PDE1C: variants seen among roughly 807,000 people sequenced by gnomAD.
PDE1C encodes dual specificity calcium/calmodulin-dependent 3',5'-cyclic nucleotide phosphodiesterase 1C.
PDE1C carries 62 observed loss-of-function variants against 93.1 expected under a neutral mutation model. That is an observed-to-expected ratio of 0.67 (90% confidence interval 0.54 to 0.82). PDE1C has a LOEUF of 0.82. Among genes scored for constraint, PDE1C ranks in the 40% least tolerant of loss-of-function variants. The pLI is 0.00. For synonymous variants in PDE1C, 325 were observed against 310.1 expected (o/e 1.05, Z -0.50); for missense variants, 742 against 884.6 (o/e 0.84, Z 2.04).
chr7:31,633,332 C>G, the PDE1C span, among the ~76,000 whole-genome samples: 1 of 152,248 alleles, frequency 6.6e-6, no homozygotes, highest in African/African-American at 2.4e-5. Context: ...GTGGCCAATA[C>G]AAAGACGAAT....
the PDE1C span, among the ~76,000 whole-genome samples, chr7:31,633,585 C>T: frequency 6.6e-6 from 1 of 152,206 alleles, no homozygotes; most frequent in Non-Finnish European, 1.5e-5. Context: ...CACTACCGCC[C>T]ATTGTCCTGA....
chr7:32,312,496 C>T (rs1207902206), intron 1 of PDE1C, among the ~76,000 whole-genome samples: 1 of 151,998 alleles, frequency 6.6e-6, no homozygotes, highest in African/African-American at 2.4e-5. Context: ...CGCTACCTGA[C>T]TTCAAACTAT....
chr7:31,775,842 A>G, intron 16 of PDE1C, 110 bp from the exon 17 acceptor site: 1 of 916,572 alleles, frequency 1.1e-6, no homozygotes, highest in Non-Finnish European at 1.7e-6. Context: ...AACAATGTTT[A>G]GAAGCAGGTT....
chr7:31,853,283 A>C (rs1793574143), intron 7 of PDE1C, among the ~76,000 whole-genome samples: 2 of 152,224 alleles, frequency 1.3e-5, no homozygotes, highest in African/African-American at 4.8e-5. Flanking sequence ...GTTTTTCAAC[A>C]AACGCCATGC....
At chr7:31,702,871 G>T in the PDE1C span, among the ~76,000 whole-genome samples, 1 of 152,116 alleles carries the variant, frequency 6.6e-6, no homozygotes, top group African/African-American at 2.4e-5. Context: ...GTTCGTGCTT[G>T]TATCTGTTTT....
chr7:31,733,128 G>A, the PDE1C span, among the ~76,000 whole-genome samples: 9,955 of 152,254 alleles, frequency 0.065, 387 homozygotes, highest in Non-Finnish European at 0.091. Context: ...TGAGCTAAAT[G>A]GACTTATGGT....
chr7:31,699,609 C>T, the PDE1C span, among the ~76,000 whole-genome samples: 91 of 151,672 alleles, frequency 6.0e-4, no homozygotes, highest in Non-Finnish European at 1.2e-3. Flanking sequence ...TTCCATTTCT[C>T]TTCACTTTTT....
chr7:31,962,423 G>A (rs1002808668), intron 2 of PDE1C, among the ~76,000 whole-genome samples: 35 of 152,318 alleles, frequency 2.3e-4, no homozygotes, highest in Middle Eastern at 3.4e-3. Flanking sequence ...AGTCTGCAAT[G>A]AACATGCTTA....
At chr7:31,831,766 G>C (rs988174575) in intron 11 of PDE1C, among the ~76,000 whole-genome samples, 1 of 151,862 alleles carries the variant, frequency 6.6e-6, no homozygotes, top group African/African-American at 2.4e-5. Flanking sequence ...AGAAGATGGA[G>C]GGGAAGAAGA....
intron 2 of PDE1C, among the ~76,000 whole-genome samples, chr7:31,937,320 C>T (rs895721840): frequency 3.9e-5 from 6 of 152,152 alleles, no homozygotes; most frequent in Admixed American, 6.5e-5. Context: ...GGGTAAAATA[C>T]TTTTATTTCT....
chr7:31,905,780 A>T (rs112175234), intron 2 of PDE1C, among the ~76,000 whole-genome samples: 39 of 152,268 alleles, frequency 2.6e-4, no homozygotes, highest in African/African-American at 8.7e-4. Flanking sequence ...TAGTTCCCAT[A>T]ATCCCCATGT....
At chr7:31,689,534 T>C in the PDE1C span, among the ~76,000 whole-genome samples, 5 of 151,976 alleles carry the variant, frequency 3.3e-5, no homozygotes, top group African/African-American at 1.2e-4. Flanking sequence ...GAGTCAGGAA[T>C]AGGAAATGGA....
At chr7:32,240,867 G>A (rs1026546921) in intron 1 of PDE1C, among the ~76,000 whole-genome samples, 7 of 151,986 alleles carry the variant, frequency 4.6e-5, no homozygotes, top group East Asian at 3.9e-4. Flanking sequence ...AGAAAATAGC[G>A]ATTTGGTCAA....
At chr7:32,312,581 G>C (rs1445062189) in intron 1 of PDE1C, among the ~76,000 whole-genome samples, 1 of 152,092 alleles carries the variant, frequency 6.6e-6, no homozygotes, top group Non-Finnish European at 1.5e-5. Flanking sequence ...GAACAGAACA[G>C]AGCCCTCAAA....
At chr7:31,730,604 T>C in the PDE1C span, among the ~76,000 whole-genome samples, 1 of 152,232 alleles carries the variant, frequency 6.6e-6, no homozygotes, top group Non-Finnish European at 1.5e-5. Flanking sequence ...CCTTTTTATT[T>C]TTCCGGTTGG....
the PDE1C span, among the ~76,000 whole-genome samples, chr7:31,744,316 C>A: frequency 1.1e-4 from 16 of 152,064 alleles, no homozygotes; most frequent in Non-Finnish European, 1.9e-4. Context: ...AGAAGCTAAT[C>A]CCTGTGTTTG....
Position 31,930,848 on chromosome 7 carries a change from C to CAAAAAAAAAAAAAAA in PDE1C, c.129-50003_129-49989dup, listed in dbSNP as rs56394903. 2.8e-4 allele frequency among the ~76,000 whole-genome samples: 9 copies of CAAAAAAAAAAAAAAA among 32,642 alleles called. 1 individual carries two copies. Among genetic ancestry groups the CAAAAAAAAAAAAAAA allele is most frequent in the Admixed American group, 5.3e-4 (1 of 1,872 alleles). The allele number at this position is 32,642 out of a possible 152,430, so 21.4% of individuals were successfully genotyped here. A position where few individuals can be genotyped will look rare whatever the true frequency, so the allele number is the denominator to read the frequency against. Reference sequence around the variant, plus strand: ...TGGGCAACAGAGCAAGACTCTGTCTCAAAAAAAAAAAAAAAAAAAAAAAAA... The same window carrying CAAAAAAAAAAAAAAA: ...TGGGCAACAGAGCAAGACTCTGTCTCAAAAAAAAAAAAAAAAAAAAAAAAAAAAAAAAAAAAAAAA... On this transcript the variant is annotated intron_variant, in intron 2 of 17. Coordinates refer to ENST00000396191, the MANE Select transcript of PDE1C (RefSeq NM_001191057.4).
chr7:32,196,806 T>C (rs1804652658), intron 2 of PDE1C, among the ~76,000 whole-genome samples: 1 of 152,166 alleles, frequency 6.6e-6, no homozygotes, highest in Non-Finnish European at 1.5e-5. Context: ...GAGAATAAAG[T>C]AGAATGATCT....
At chr7:32,169,054 ATGAT>A (rs1185966191) in intron 3 of PDE1C, among the ~76,000 whole-genome samples, 1 of 152,172 alleles carries the variant, frequency 6.6e-6, no homozygotes, top group African/African-American at 2.4e-5. Context: ...ATCTGGAAAA[ATGAT>A]TGAGTCTTAA....
Sources: allele counts gnomAD v4.1 joint callset (sites outside exome capture counted in the v4.1 genomes callset), GRCh38; gene constraint gnomAD v4.1.1; transcripts MANE v1.5; gene names NCBI Gene and HGNC (gene_info 2026-07-23, HGNC 2026-07-21).